CFAP47: variants seen among roughly 807,000 people sequenced by gnomAD.
The protein encoded by CFAP47 is cilia- and flagella-associated protein 47.
A neutral mutation model predicts 148.1 loss-of-function variants in CFAP47; 29 were observed. The observed-to-expected ratio is 0.20, with a 90% confidence interval of 0.15 to 0.27. The LOEUF (loss-of-function observed/expected upper bound fraction) is 0.27. Among genes scored for constraint, CFAP47 ranks in the 10% least tolerant of loss-of-function variants. The pLI is 1.00. For missense variants in CFAP47, 1,872 were observed against 1,697.5 expected (o/e 1.10, Z -1.81); for synonymous variants, 664 against 577.3 (o/e 1.15, Z -2.15).
At chrX:35,920,751 A>G (rs1444240852) in intron 1 of CFAP47, among the ~76,000 whole-genome samples, 2 of 112,082 alleles carry the variant, frequency 1.8e-5, no homozygotes, top group Non-Finnish European at 3.8e-5. Flanking sequence ...CAAATTTTTG[A>G]TATAGGAAAT....
At chrX:36,112,083 T>A in intron 33 of CFAP47, among the ~76,000 whole-genome samples, 1 of 111,441 alleles carries the variant, frequency 9.0e-6, no homozygotes, top group Non-Finnish European at 1.9e-5. Context: ...AATGGTTTTT[T>A]GTGCCTCAAT....
At chrX:36,080,253 A>G (rs1337109587) in intron 29 of CFAP47, among the ~76,000 whole-genome samples, 2 of 111,786 alleles carry the variant, frequency 1.8e-5, no homozygotes, top group Non-Finnish European at 3.8e-5. Context: ...ATCCATTAGA[A>G]TGGCGATCAT....
At position 36,204,987 on chromosome X, in the gene CFAP47, A is replaced by C. The variant is rs941329797; in HGVS notation, c.6694A>C (p.Arg2232=). ...TATGCTCTTTCGTATCTCAAAGTTG[A>C]GGAAGCCTAAGACCGTTTCATACAC... ...TLMLFRISKL[R]KPKTVSYTTE... is the part of the protein sequence containing the mutation. Residue 2232 remains arginine, a synonymous_variant, in exon 45 of 64, where the codon AGG becomes CGG. Coordinates refer to ENST00000378653, the MANE Select transcript of CFAP47 (RefSeq NM_001304548.2). 1 of 297,321 alleles carries C rather than the reference A, an allele frequency of 3.4e-6. No individual in the cohort carries two copies. The highest frequency in any genetic ancestry group is 4.8e-5 in the East Asian group (1 of 21,014). 24.5% of individuals were successfully genotyped at this position (297,321 alleles called of 1,213,427 possible).
At chrX:36,205,757 T>G (rs1446424352) in intron 45 of CFAP47, among the ~76,000 whole-genome samples, 1 of 112,115 alleles carries the variant, frequency 8.9e-6, no homozygotes. Context: ...ACCTTTCTTT[T>G]TCATTTCAGT....
intron 33 of CFAP47, among the ~76,000 whole-genome samples, chrX:36,117,576 A>AT: frequency 8.9e-6 from 1 of 111,737 alleles, no homozygotes; most frequent in Non-Finnish European, 1.9e-5. Context: ...CCTTTTGCCC[A>AT]TTTTTTGATT....
intron 33 of CFAP47, among the ~76,000 whole-genome samples, chrX:36,109,437 T>G (rs971912194): frequency 1.8e-5 from 2 of 111,627 alleles, no homozygotes; most frequent in Admixed American, 9.5e-5. Context: ...CCTTTTTCTC[T>G]GCAACCTCTC....
At position 36,138,017 on chromosome X, in the gene CFAP47, G is replaced by T; in HGVS notation, c.5380G>T (p.Val1794Phe). The part of the protein sequence containing the change: ...NFDKDLSDGL[V>F]FATQLGAYCP... ...TGACAAAGACCTTTCAGATGGTCTT[G>T]TTTTTGCAACACAGTTGGGAGCCTA... is the stretch of plus-strand genomic sequence containing the variant. Residue 1794 changes from valine (V) to phenylalanine (F), a missense_variant, in exon 34 of 64, where the codon GTT (valine) becomes TTT (phenylalanine). By Grantham distance (50) the Val-to-Phe change is conservative. Coordinates refer to ENST00000378653, the MANE Select transcript of CFAP47 (RefSeq NM_001304548.2). 1.0e-6 allele frequency: 1 copy of T among 956,680 alleles called. No homozygotes were observed. Among genetic ancestry groups the T allele is most frequent in the Non-Finnish European group, 1.5e-6 (1 of 667,816 alleles). 78.8% of individuals were successfully genotyped at this position (956,680 alleles called of 1,213,427 possible). A position where few individuals can be genotyped will look rare whatever the true frequency, so the allele number is the denominator to read the frequency against.
At chrX:36,304,886 A>G (rs1013549372) in intron 54 of CFAP47, among the ~76,000 whole-genome samples, 1 of 112,489 alleles carries the variant, frequency 8.9e-6, no homozygotes, top group Non-Finnish European at 1.9e-5. Context: ...TCTAAAGCAT[A>G]GGACACCATT....
chrX:36,056,691 T>C (rs1481443753), intron 26 of CFAP47, among the ~76,000 whole-genome samples: 1 of 112,636 alleles, frequency 8.9e-6, no homozygotes, highest in Non-Finnish European at 1.9e-5. Context: ...TAGCACTTGG[T>C]GCTTAGCTAT....
chrX:36,056,214 A>G (rs1031017022), intron 26 of CFAP47, among the ~76,000 whole-genome samples: 12 of 111,781 alleles, frequency 1.1e-4, no homozygotes, highest in Non-Finnish European at 2.1e-4. Flanking sequence ...CATAACTTTA[A>G]AAACCATAAT....
At chrX:36,380,619 A>AT (rs1355630477) in intron 63 of CFAP47, among the ~76,000 whole-genome samples, 1 of 111,069 alleles carries the variant, frequency 9.0e-6, no homozygotes, top group East Asian at 2.9e-4. Context: ...ACTTTTTTGT[A>AT]TTTTTGGTAG....
chrX:35,973,292 C>A (rs930402555), intron 13 of CFAP47, among the ~76,000 whole-genome samples: 1 of 110,932 alleles, frequency 9.0e-6, no homozygotes, highest in Non-Finnish European at 1.9e-5. Context: ...CGGGTTCATG[C>A]CATTCTTCTG....
intron 56 of CFAP47, among the ~76,000 whole-genome samples, chrX:36,313,494 C>T (rs1199248376): frequency 9.0e-6 from 1 of 111,287 alleles, no homozygotes; most frequent in Non-Finnish European, 1.9e-5. Context: ...CTGGGGATTA[C>T]AATTTAAGAT....
chrX:36,165,339 A>G (rs1018868029), intron 39 of CFAP47, among the ~76,000 whole-genome samples: 1 of 111,306 alleles, frequency 9.0e-6, no homozygotes, highest in Non-Finnish European at 1.9e-5. Context: ...ATATTTTTCA[A>G]TGCAGGATTT....
intron 56 of CFAP47, among the ~76,000 whole-genome samples, chrX:36,318,329 CTTGTTAACA>C (rs1157215403): frequency 1.8e-5 from 2 of 111,746 alleles, no homozygotes; most frequent in Admixed American, 1.9e-4. Context: ...TTGGTTTGAA[CTTGTTAACA>C]TTGTTAACAT....
chrX:36,272,913 A>G (rs1299441115), intron 49 of CFAP47, among the ~76,000 whole-genome samples: 2 of 111,415 alleles, frequency 1.8e-5, no homozygotes, highest in Non-Finnish European at 3.8e-5. Flanking sequence ...ATATTCAAGC[A>G]CAATTTAATT....
At position 36,353,674 on chromosome X, in the gene CFAP47, T is replaced by G. The variant is rs887042573; in HGVS notation, c.8844T>G (p.Asp2948Glu). The change falls in exon 60 of 64, where the codon GAT becomes GAG. Residue 2948 changes from aspartate to glutamate, a missense_variant. Coordinates refer to ENST00000378653, the MANE Select transcript of CFAP47 (RefSeq NM_001304548.2). ...PKRNSHNFCE[D>E]PNEIPKIHEF... ...GAAATTCACATAATTTTTGTGAGGA[T>G]CCCAATGGTAAGAGAACTACGGTTA... 1.0e-5 allele frequency: 12 copies of G among 1,152,209 alleles called. No homozygotes were observed. The highest frequency in any genetic ancestry group is 1.4e-5 in the Non-Finnish European group (12 of 861,704). The allele number at this position is 1,152,209 out of a possible 1,213,427, so 95.0% of individuals were successfully genotyped here. A position where few individuals can be genotyped will look rare whatever the true frequency, so the allele number is the denominator to read the frequency against.
At chrX:36,279,669 C>T (rs1941056303) in intron 49 of CFAP47, among the ~76,000 whole-genome samples, 1 of 111,199 alleles carries the variant, frequency 9.0e-6, no homozygotes, top group African/African-American at 3.3e-5. Context: ...AAAAAAATTC[C>T]AGAGTGATGA....
chrX:35,963,259 T>C (rs6632445), intron 8 of CFAP47, among the ~76,000 whole-genome samples: 30,872 of 109,026 alleles, frequency 0.28, 6,551 homozygotes, highest in African/African-American at 0.72. Context: ...TACAGAATGG[T>C]GGCTATGGTT....
Sources: allele counts gnomAD v4.1 joint callset (sites outside exome capture counted in the v4.1 genomes callset), GRCh38; gene constraint gnomAD v4.1.1; transcripts MANE v1.5; gene names NCBI Gene and HGNC (gene_info 2026-07-23, HGNC 2026-07-21).